SPRY3: variants seen among roughly 807,000 people sequenced by gnomAD.
SPRY3 encodes the protein protein sprouty homolog 3.
Under a neutral mutation model 20.2 loss-of-function variants are expected in SPRY3, and 15 were observed. That is an observed-to-expected ratio of 0.74 (90% CI 0.50 to 1.14). SPRY3 has a LOEUF of 1.14. Among genes scored for constraint, SPRY3 ranks in the 50% most tolerant of loss-of-function variants. SPRY3 has a pLI of 0.00. For synonymous variants in SPRY3, 143 were observed against 136.5 expected (o/e 1.05, Z -0.33); for missense variants, 364 against 363.9 (o/e 1.00, Z 0.00).
intron 2 of SPRY3, among the ~76,000 whole-genome samples, chrX:155,755,350 A>T (rs1451782384): frequency 6.6e-6 from 1 of 152,014 alleles, no homozygotes; most frequent in South Asian, 2.1e-4. Flanking sequence ...TTCCCCTGTA[A>T]CTACTCCCTC....
Position 155,691,942 on chromosome X carries a change from C to A in SPRY3, c.-282+34917C>A, listed in dbSNP as rs1014611591. ...GGTCTTACTGTGTTGCCCAGGCTAG[C>A]CTCAAACTCCTGGGCTCAAGCAATC... is the stretch of plus-strand genomic sequence containing the variant. On this transcript the variant is annotated intron_variant, in intron 2 of 3. Coordinates refer to ENST00000675360, the Ensembl canonical transcript of SPRY3. Among the ~76,000 whole-genome samples, 7 of 86,878 alleles carry A rather than the reference C, an allele frequency of 8.1e-5. No homozygotes were observed. In the Admixed American group the frequency reaches 8.7e-4, roughly 11 times the overall value. The allele number at this position is 86,878 out of a possible 115,157, so 75.4% of individuals were successfully genotyped here. A position where few individuals can be genotyped will look rare whatever the true frequency, so the allele number is the denominator to read the frequency against.
intron 2 of SPRY3, among the ~76,000 whole-genome samples, chrX:155,672,183 G>A (rs1218411360): frequency 1.8e-5 from 2 of 111,294 alleles, no homozygotes; most frequent in Non-Finnish European, 3.8e-5. Context: ...ATTCTGTGAA[G>A]AAAGTCATTG....
intron 2 of SPRY3, among the ~76,000 whole-genome samples, chrX:155,670,426 C>T (rs1176087930): frequency 9.0e-6 from 1 of 111,586 alleles, no homozygotes; most frequent in African/African-American, 3.2e-5. Flanking sequence ...ATTGAGTTCT[C>T]ACATATACCG....
chrX:155,719,926 A>G (rs1349408856), intron 2 of SPRY3, among the ~76,000 whole-genome samples: 2 of 152,014 alleles, frequency 1.3e-5, no homozygotes, highest in South Asian at 2.1e-4. Flanking sequence ...GGAAAAGTAA[A>G]GGGGAGTTTC....
chrX:155,713,993 A>G (rs1200802534), intron 2 of SPRY3, among the ~76,000 whole-genome samples: 4 of 152,184 alleles, frequency 2.6e-5, no homozygotes, highest in African/African-American at 7.2e-5. Flanking sequence ...ACTCTGATGC[A>G]TTCTTCAGCA....
At chrX:155,756,876 T>C (rs1189004667) in intron 2 of SPRY3, among the ~76,000 whole-genome samples, 1 of 151,852 alleles carries the variant, frequency 6.6e-6, no homozygotes, top group Non-Finnish European at 1.5e-5. Flanking sequence ...AACTAGAAAA[T>C]GGGTATTTTG....
At chrX:155,626,512 C>T (rs1283803560) in intron 1 of SPRY3, among the ~76,000 whole-genome samples, 2 of 110,722 alleles carry the variant, frequency 1.8e-5, no homozygotes, top group African/African-American at 6.6e-5. Flanking sequence ...TTTCACTGTC[C>T]TGATGGTGTC....
intron 2 of SPRY3, among the ~76,000 whole-genome samples, chrX:155,676,567 A>C (rs1440533473): frequency 8.9e-6 from 1 of 112,002 alleles, no homozygotes; most frequent in African/African-American, 3.2e-5. Context: ...TAGAATATTA[A>C]ATTTCTATAA....
At chrX:155,721,910 A>ATT (rs1325281534) in intron 2 of SPRY3, among the ~76,000 whole-genome samples, 3 of 152,142 alleles carry the variant, frequency 2.0e-5, no homozygotes, top group Non-Finnish European at 4.4e-5. Flanking sequence ...AAAAACACAG[A>ATT]ATATTATAAC....
intron 2 of SPRY3, among the ~76,000 whole-genome samples, chrX:155,661,827 T>C (rs782809186): frequency 1.5e-4 from 17 of 112,126 alleles, no homozygotes; most frequent in African/African-American, 5.5e-4. Flanking sequence ...TAGTCTATTG[T>C]TAAAGCTTTC....
intron 2 of SPRY3, among the ~76,000 whole-genome samples, chrX:155,685,945 C>A (rs1327500472): frequency 9.1e-6 from 1 of 110,223 alleles, no homozygotes; most frequent in Non-Finnish European, 1.9e-5. Flanking sequence ...TTTTTGTATT[C>A]TTTAGTAGAG....
At chrX:155,767,521 G>T (rs749150262) in intron 2 of SPRY3, among the ~76,000 whole-genome samples, 160 of 151,798 alleles carry the variant, frequency 1.1e-3, no homozygotes, top group African/African-American at 3.7e-3. Context: ...TGGAGGAGAG[G>T]GAGACCAAGG....
intron 2 of SPRY3, among the ~76,000 whole-genome samples, chrX:155,722,599 G>T (rs936547218): frequency 1.3e-5 from 2 of 151,124 alleles, no homozygotes; most frequent in Non-Finnish European, 3.0e-5. Flanking sequence ...AAGAACACAC[G>T]AAGGAAAGAA....
downstream of SPRY3, chrX:155,781,253 G>T (rs986248204): frequency 6.0e-6 from 1 of 166,894 alleles, no homozygotes; most frequent in Non-Finnish European, 1.5e-5. Flanking sequence ...AAATGACAAG[G>T]TTTCTCTCCT....
chrX:155,717,695 C>T (rs1425621547), intron 2 of SPRY3, among the ~76,000 whole-genome samples: 5 of 152,104 alleles, frequency 3.3e-5, no homozygotes, highest in South Asian at 2.1e-4. Context: ...CTGAGAATGA[C>T]GGCTTCCAGC....
chrX:155,613,497 A>T (rs1557348580), intron 1 of SPRY3, among the ~76,000 whole-genome samples: 2 of 112,226 alleles, frequency 1.8e-5, no homozygotes, highest in Non-Finnish European at 3.8e-5. Flanking sequence ...AAAAAATGAG[A>T]GTAAGAACAA....
At position 155,692,333 on chromosome X, in the gene SPRY3, C is replaced by T. The variant is rs147751874; in HGVS notation, c.-282+35308C>T. ...AACACATTTTACTCCATTGAATTGC[C>T]GTTGAATCTTTGTAGAAAATGAACT... On this transcript the variant is annotated intron_variant, in intron 2 of 3. Transcript: ENST00000675360. Among the ~76,000 whole-genome samples the T allele has an allele frequency of 1.8e-3, 198 of 110,840 alleles. 2 individuals are homozygous for T. The East Asian group carries it at 0.043, about 24-fold the overall frequency.
At chrX:155,726,878 T>G (rs1357515000) in intron 2 of SPRY3, among the ~76,000 whole-genome samples, 1 of 152,186 alleles carries the variant, frequency 6.6e-6, no homozygotes, top group Non-Finnish European at 1.5e-5. Flanking sequence ...GTTAGCTGGT[T>G]ATTTTGCCCA....
At chrX:155,720,604 G>C (rs1237567373) in intron 2 of SPRY3, among the ~76,000 whole-genome samples, 2 of 152,178 alleles carry the variant, frequency 1.3e-5, no homozygotes, top group Non-Finnish European at 2.9e-5. Context: ...AGAACACAGA[G>C]AGAGAGAGAC....
Sources: allele counts gnomAD v4.1 joint callset (sites outside exome capture counted in the v4.1 genomes callset), GRCh38; gene constraint gnomAD v4.1.1; transcripts MANE v1.5; gene names NCBI Gene and HGNC (gene_info 2026-07-23, HGNC 2026-07-21).